Variants in NOL6 observed in about 807,000 individuals in gnomAD.
NOL6 encodes the protein nucleolar protein 6, also known as nucleolar RNA-associated protein.
In NOL6, 33 loss-of-function variants were observed where a neutral mutation model predicts 131.7. The observed-to-expected ratio is 0.25, with a 90% CI of 0.19 to 0.33. The LOEUF (loss-of-function observed/expected upper bound fraction) is 0.33. NOL6 is among the 10% of genes least tolerant of loss of function. NOL6 has a pLI of 1.00. For synonymous variants in NOL6, 580 were observed against 605.7 expected (o/e 0.96, Z 0.62); for missense variants, 1,297 against 1,494.5 (o/e 0.87, Z 2.18).
chr9:33,472,166 G>A, intron 2 of NOL6, 40 bp downstream of exon 2: 5 of 1,613,158 alleles, frequency 3.1e-6, no homozygotes, highest in Non-Finnish European at 4.2e-6. Context: ...AGGGTCCCAG[G>A]TACACACCTC....
In NOL6 at chr9:33,467,592, A is replaced by T. The variant is rs1336729793; in HGVS notation, c.1603-76T>A. On this transcript the variant is annotated intron_variant, in intron 12 of 25. Transcript: ENST00000297990. This position sits in a 1 kb window ranked among gnomAD's most constrained non-coding sequence, Gnocchi z 4.4. ...CTAGAAACCTACTTTCTAGCTAGCT[A>T]GAAACGCCTAGCTGGAGGAATGGTG... 3.2e-6 allele frequency: 5 copies of T among 1,586,742 alleles called. No homozygotes were observed. The highest frequency in any genetic ancestry group is 3.4e-6 in the Non-Finnish European group (4 of 1,164,382).
chr9:33,470,937 G>A (rs1024684950), intron 3 of NOL6, among the ~76,000 whole-genome samples: 13 of 151,918 alleles, frequency 8.6e-5, no homozygotes, highest in East Asian at 3.9e-4. Flanking sequence ...CACAACAGCC[G>A]GAGTAAATTT....
chr9:33,464,010 C>A (rs555799443), intron 22 of NOL6, 27 bp downstream of exon 22: 7 of 1,612,706 alleles, frequency 4.3e-6, no homozygotes, highest in Non-Finnish European at 5.9e-6. Flanking sequence ...GAAAACCACA[C>A]ATTAGGGGGC....
chr9:33,472,134 T>TA lies in NOL6; in HGVS notation c.262-15dup, dbSNP rs772411570. Reference sequence around the variant, plus strand: ...TAGCTCCTCTACCTGTAAGAGAGGGTAGAAGACAGTCCATCAGCCTCAGGG... The same window carrying TA: ...TAGCTCCTCTACCTGTAAGAGAGGGTAAGAAGACAGTCCATCAGCCTCAGGG... On this transcript the variant is annotated splice_polypyrimidine_tract_variant and intron_variant, in intron 2 of 25. Transcript: ENST00000297990. The TA allele has an allele frequency of 6.2e-7, 1 of 1,613,448 alleles. No homozygotes were observed. The highest frequency in any genetic ancestry group is 8.5e-7 in the Non-Finnish European group (1 of 1,179,342).
At position 33,468,105 on chromosome 9, in the gene NOL6, C is replaced by T; in HGVS notation, c.1349G>A (p.Ser450Asn). The change falls in exon 11 of 26, where the codon AGC becomes AAC. Residue 450 changes from serine (S) to asparagine (N), a missense_variant. Ser to Asn is a conservative substitution (Grantham distance 46). Coordinates refer to ENST00000297990, the MANE Select transcript of NOL6 (RefSeq NM_022917.5). ...EARLSMMLLD[S>N]RADDGFHLLL... ...CAGGTGGAACCCGTCGTCAGCTCTG[C>T]TGTCCAGCAACATCATAGACAGCCG... 6.2e-7 allele frequency: 1 copy of T among 1,614,188 alleles called. No individual in the cohort carries two copies. Among genetic ancestry groups the T allele is most frequent in the Non-Finnish European group, 8.5e-7 (1 of 1,180,032 alleles).
Position 33,468,799 on chromosome 9 carries a change from G to C in NOL6, c.1100C>G (p.Thr367Ser). The change falls in exon 8 of 26, where the codon ACC becomes AGC. Residue 367 changes from threonine to serine, a missense_variant. Physicochemically the swap from Thr to Ser is moderately conservative, Grantham distance 58 (BLOSUM62 1). Coordinates refer to ENST00000297990, the MANE Select transcript of NOL6 (RefSeq NM_022917.5). ...CAGGACCTGGTAGCCACTCATGGTG[G>C]TATGGATCTTGCGTGTAGACACAAG... is the stretch of plus-strand genomic sequence containing the variant. ...VFLVSTRKIHTTMSGYQVLRS... is the reference protein window; with the variant it reads ...VFLVSTRKIHSTMSGYQVLRS... The C allele has an allele frequency of 6.2e-7, 1 of 1,614,192 alleles. No homozygotes were observed.
intron 23 of NOL6, 152 bp from the exon 24 acceptor site, chr9:33,463,593 C>T: frequency 1.2e-6 from 1 of 806,512 alleles, no homozygotes; most frequent in East Asian, 2.7e-5. Flanking sequence ...CACCAAGACC[C>T]ACAGAGCAAA....
Position 33,470,230 on chromosome 9 carries a change from G to C in NOL6, c.379-39C>G, listed in dbSNP as rs375869988. 50 of 1,470,370 alleles carry C rather than the reference G, an allele frequency of 3.4e-5. No individual in the cohort carries two copies. The African/African-American group carries it at 6.3e-4, about 19-fold the overall frequency. The allele number at this position is 1,470,370 out of a possible 1,614,324, so 91.1% of individuals were successfully genotyped here. A position where few individuals can be genotyped will look rare whatever the true frequency, so the allele number is the denominator to read the frequency against. On this transcript the variant is annotated intron_variant, in intron 3 of 25. Coordinates refer to ENST00000297990, the MANE Select transcript of NOL6 (RefSeq NM_022917.5). ...GACAGGGACACATACTGATTCAACTGCCTTCCTCACATGTACCCTTTATGT... is the reference window on the plus strand; with the variant it reads ...GACAGGGACACATACTGATTCAACTCCCTTCCTCACATGTACCCTTTATGT...
In NOL6 at chr9:33,468,796, G is replaced by A; in HGVS notation, c.1103C>T (p.Thr368Ile). ...FLVSTRKIHT[T>I]MSGYQVLRSV... ...TCTCAGGACCTGGTAGCCACTCATG[G>A]TGGTATGGATCTTGCGTGTAGACAC... Residue 368 changes from threonine to isoleucine, a missense_variant, in exon 8 of 26, where the codon ACC becomes ATC. Coordinates refer to ENST00000297990, the MANE Select transcript of NOL6 (RefSeq NM_022917.5). 6.2e-6 allele frequency: 10 copies of A among 1,614,202 alleles called. No homozygotes were observed. Among genetic ancestry groups the A allele is most frequent in the Non-Finnish European group, 8.5e-6 (10 of 1,180,044 alleles).
chr9:33,465,606 G>T, intron 19 of NOL6, 128 bp downstream of exon 19: 3 of 1,146,058 alleles, frequency 2.6e-6, no homozygotes, highest in Non-Finnish European at 2.4e-6. Context: ...TCCAGAACCT[G>T]CCTGACTCCA....
At position 33,470,198 on chromosome 9, in the gene NOL6, G is replaced by C. The variant is rs1434745761; in HGVS notation, c.379-7C>G. 2 of 1,563,498 alleles carry C rather than the reference G, an allele frequency of 1.3e-6. No individual in the cohort carries two copies. Among genetic ancestry groups the C allele is most frequent in the Non-Finnish European group, 1.7e-6 (2 of 1,149,616 alleles). On this transcript the variant is annotated splice_polypyrimidine_tract_variant and splice_region_variant and intron_variant, in intron 3 of 25. Coordinates refer to ENST00000297990, the MANE Select transcript of NOL6 (RefSeq NM_022917.5). ...GCCATGCCTGGTCAGTGAGCTGTGG[G>C]GGCAGAGACAGGGACACATACTGAT...
Position 33,462,467 on chromosome 9 carries a change from A to T in NOL6, c.*197T>A. On this transcript the variant is annotated 3_prime_UTR_variant, in exon 26 of 26. Coordinates refer to ENST00000297990, the MANE Select transcript of NOL6 (RefSeq NM_022917.5). Reference sequence around the variant, plus strand: ...TGAGGCCCAGGAGACTACATGGGCCACCATGCCCCTGCCCCAATGCTGGAG... The same window carrying T: ...TGAGGCCCAGGAGACTACATGGGCCTCCATGCCCCTGCCCCAATGCTGGAG... The T allele has an allele frequency of 3.1e-6, 2 of 645,330 alleles. No homozygotes were observed. The highest frequency in any genetic ancestry group is 3.9e-5 in the South Asian group (2 of 51,682). 40.0% of individuals were successfully genotyped at this position (645,330 alleles called of 1,614,324 possible).
At chr9:33,469,159 C>T (rs753394972) in intron 6 of NOL6, 38 bp from the exon 7 acceptor site, 1 of 1,614,054 alleles carries the variant, frequency 6.2e-7, no homozygotes, top group East Asian at 2.2e-5. Context: ...AGGAAAAGTC[C>T]CCACACCTCT....
rs1827130423 is a variant in NOL6, at chr9:33,462,705, C to T, written c.3400G>A (p.Val1134Met). The stretch of plus-strand genomic sequence containing the variant: ...TCACTTCGGGCCTCCACAGTCTGCA[C>T]CAGGCCTTCACCCAGCACAGCAAAG... ...EDFAVLGEGL[V>M]QTVEARSERW... is the part of the protein sequence containing the mutation. The change falls in exon 26 of 26, where the codon GTG (valine) becomes ATG (methionine). Residue 1134 changes from valine (V) to methionine (M), a missense_variant. Physicochemically the swap from Val to Met is conservative, Grantham distance 21. Transcript: ENST00000297990. The T allele has an allele frequency of 3.1e-6, 5 of 1,614,178 alleles. No homozygotes were observed. Among genetic ancestry groups the T allele is most frequent in the Non-Finnish European group, 4.2e-6 (5 of 1,180,024 alleles).
chr9:33,465,057 C>T (rs1380365143), intron 20 of NOL6, 81 bp from the exon 21 acceptor site: 7 of 1,465,654 alleles, frequency 4.8e-6, no homozygotes, highest in Non-Finnish European at 6.6e-6. Context: ...GCTCAGACCC[C>T]CTGGTGTGGA....
chr9:33,469,571 G>C lies in NOL6; in HGVS notation c.655C>G (p.Leu219Val). Reference protein sequence around the residue: ...HLAHHLAQDPLFGSVCFSYTN... With the variant: ...HLAHHLAQDPVFGSVCFSYTN... ...TAGGAGAAGCAAACACTGCCAAAGA[G>C]GGGGTCCTGGGCCAGGTGGTGAGCC... The change falls in exon 5 of 26, where the codon CTC (leucine) becomes GTC (valine). Residue 219 changes from leucine (L) to valine (V), a missense_variant. Transcript: ENST00000297990. The C allele has an allele frequency of 6.2e-7, 1 of 1,608,826 alleles. No homozygotes were observed. The highest frequency in any genetic ancestry group is 8.5e-7 in the Non-Finnish European group (1 of 1,178,586).
At chr9:33,471,863 G>T in intron 3 of NOL6, 141 bp downstream of exon 3, 2 of 704,520 alleles carry the variant, frequency 2.8e-6, no homozygotes, top group East Asian at 2.5e-5. Flanking sequence ...AAATGACCAC[G>T]CTCCCAGCTA....
chr9:33,465,156 T>G lies in NOL6; in HGVS notation c.2681+51A>C, dbSNP rs1051981801. ...ACTTAGGGTGCAGCACGAAGGATGATGGCTGGCCGCAAGGAAACTTCTCAG... is the reference window on the plus strand; with the variant it reads ...ACTTAGGGTGCAGCACGAAGGATGAGGGCTGGCCGCAAGGAAACTTCTCAG... On this transcript the variant is annotated intron_variant, in intron 20 of 25. Transcript: ENST00000297990. 1.0e-5 allele frequency: 16 copies of G among 1,556,636 alleles called. 1 individual carries two copies. In the Admixed American group the frequency reaches 2.9e-4, roughly 28 times the overall value.
At chr9:33,465,075 G>T in intron 20 of NOL6, 99 bp from the exon 21 acceptor site, 1 of 1,441,668 alleles carries the variant, frequency 6.9e-7, no homozygotes, top group Non-Finnish European at 9.6e-7. Context: ...GGATTGGCAG[G>T]GCAGGGCATC....
Sources: gnomAD v4.1 joint callset for allele counts (sites outside exome capture counted in the v4.1 genomes callset) on GRCh38, gnomAD v4.1.1 for gene constraint, Gnocchi (gnomAD v3.1) non-coding constraint, MANE v1.5 for transcripts, NCBI Gene and HGNC (gene_info 2026-07-23, HGNC 2026-07-21) for gene names.